Variants in FNBP1 observed in about 807,000 individuals in gnomAD.
FNBP1 encodes formin-binding protein 1.
Under a neutral mutation model 90.6 loss-of-function variants are expected in FNBP1, and 26 were observed. That is an observed-to-expected ratio of 0.29 (90% confidence interval 0.21 to 0.40). The LOEUF (loss-of-function observed/expected upper bound fraction) is 0.40, where lower values mean the gene tolerates loss of function less well. Ranked by LOEUF, FNBP1 falls within the 10% of genes least tolerant of loss-of-function variation. The pLI is 1.00. For missense variants in FNBP1, 635 were observed against 768.0 expected, an observed-to-expected ratio of 0.83 and a Z score of 2.05; for synonymous variants, 260 against 265.2, an observed-to-expected ratio of 0.98 and a Z score of 0.19.
At position 129,991,207 on chromosome 9, in the gene FNBP1, G is replaced by T. The variant is rs183079764; in HGVS notation, c.140+3636C>A. On this transcript the variant is annotated intron_variant, in intron 2 of 16. Transcript: ENST00000446176. Reference sequence around the variant, plus strand: ...GCACCTGGGTGATGCTAGGGTTTTTGACCTAAACCAGGAAGGATGCAGCTA... The same window carrying T: ...GCACCTGGGTGATGCTAGGGTTTTTTACCTAAACCAGGAAGGATGCAGCTA... Among the ~76,000 whole-genome samples, 388 of 151,810 alleles carry T rather than the reference G, an allele frequency of 2.6e-3. 1 individual carries two copies. Among genetic ancestry groups the T allele is most frequent in the Non-Finnish European group, 4.6e-3 (315 of 67,938 alleles).
At chr9:129,979,760 C>G (rs954541862) in intron 2 of FNBP1, among the ~76,000 whole-genome samples, 4 of 152,094 alleles carry the variant, frequency 2.6e-5, no homozygotes, top group African/African-American at 9.7e-5. Flanking sequence ...CTGCCTCAGC[C>G]TCCCAAGTAG....
At chr9:130,051,004 G>T in the FNBP1 span, among the ~76,000 whole-genome samples, 1 of 151,218 alleles carries the variant, frequency 6.6e-6, no homozygotes, top group Admixed American at 6.6e-5. Flanking sequence ...AAGTTCAAGC[G>T]ATTCTCCTGT....
rs557650533 is a variant in FNBP1 at position 130,020,032 on chromosome 9, A to AT, written c.24+22919dup. Among the ~76,000 whole-genome samples the AT allele has an allele frequency of 3.6e-3, 546 of 152,324 alleles. 5 individuals are homozygous for AT. Among genetic ancestry groups the AT allele is most frequent in the African/African-American group, 0.013 (522 of 41,572 alleles). ...AGGCAACAGAATGATGTTTAATCAC[A>AT]TTTCTCAATGTGAATACTAAGAAGG... On this transcript the variant is annotated intron_variant, in intron 1 of 16. Transcript: ENST00000446176.
intron 4 of FNBP1, among the ~76,000 whole-genome samples, chr9:129,975,694 G>A (rs1461500240): frequency 2.0e-5 from 3 of 152,000 alleles, no homozygotes; most frequent in Non-Finnish European, 4.4e-5. Flanking sequence ...TTGAGGTCAG[G>A]AGTGCGAGAC....
At position 130,009,495 on chromosome 9, in the gene FNBP1, A is replaced by T. The variant is rs536599040; in HGVS notation, c.25-14537T>A. Among the ~76,000 whole-genome samples, 276 of 151,804 alleles carry T rather than the reference A, an allele frequency of 1.8e-3. 1 individual carries two copies. Among genetic ancestry groups the T allele is most frequent in the Non-Finnish European group, 3.1e-3 (213 of 67,916 alleles). On this transcript the variant is annotated intron_variant, in intron 1 of 16. Coordinates refer to ENST00000446176, the MANE Select transcript of FNBP1 (RefSeq NM_015033.3). ...TGGCCAACATGGGCATCTCTACTAAACCTCATTTCTACTAAAAAAAAAAAT... is the reference window on the plus strand; with the variant it reads ...TGGCCAACATGGGCATCTCTACTAATCCTCATTTCTACTAAAAAAAAAAAT...
intron 15 of FNBP1, among the ~76,000 whole-genome samples, chr9:129,896,351 G>A (rs1183301180): frequency 2.0e-5 from 3 of 151,968 alleles, no homozygotes; most frequent in African/African-American, 4.8e-5. Context: ...AGGTACCCTC[G>A]TGGCTCCAAC....
intron 2 of FNBP1, among the ~76,000 whole-genome samples, chr9:129,983,266 A>C (rs2051579917): frequency 6.6e-6 from 1 of 152,186 alleles, no homozygotes; most frequent in Admixed American, 6.5e-5. Flanking sequence ...TGATATACTG[A>C]AAAGACCATC....
At chr9:130,011,070 G>C (rs973043988) in intron 1 of FNBP1, among the ~76,000 whole-genome samples, 2 of 150,872 alleles carry the variant, frequency 1.3e-5, no homozygotes, top group East Asian at 3.9e-4. Flanking sequence ...GAGACAGTTA[G>C]GTGGGCGTGG....
intron 1 of FNBP1, among the ~76,000 whole-genome samples, chr9:130,009,795 C>T (rs1401275367): frequency 6.6e-6 from 1 of 151,648 alleles, no homozygotes; most frequent in African/African-American, 2.4e-5. Flanking sequence ...AGCAAGACTC[C>T]GTCTCATAAC....
chr9:130,041,598 T>G lies in FNBP1; in HGVS notation c.24+1354A>C, dbSNP rs2059822347. Among the ~76,000 whole-genome samples, 1 of 152,250 alleles carries G rather than the reference T, an allele frequency of 6.6e-6. No homozygotes were observed. Among genetic ancestry groups the G allele is most frequent in the Non-Finnish European group, 1.5e-5 (1 of 68,048 alleles). The stretch of plus-strand genomic sequence containing the variant: ...ATTTTAAACTATTTTATTTTCAAAA[T>G]GGATACTTGTAAACATCAGCGGAAA... On this transcript the variant is annotated intron_variant, in intron 1 of 16. Coordinates refer to ENST00000446176, the MANE Select transcript of FNBP1 (RefSeq NM_015033.3). The surrounding 1 kb of genome is among the most constrained non-coding windows in gnomAD (Gnocchi z 4.3).
At chr9:130,053,399 T>C in the FNBP1 span, 2 of 154,542 alleles carry the variant, frequency 1.3e-5, no homozygotes, top group African/African-American at 2.4e-5. Context: ...GCCTAACAAA[T>C]TGCCTCATAA....
chr9:129,972,739 C>A (rs2049685818), intron 4 of FNBP1, among the ~76,000 whole-genome samples: 1 of 152,190 alleles, frequency 6.6e-6, no homozygotes, highest in Admixed American at 6.5e-5. Context: ...GCCATGTTGG[C>A]AAGGCTGGTC....
intron 2 of FNBP1, among the ~76,000 whole-genome samples, chr9:129,990,888 G>A (rs79725387): frequency 6.6e-6 from 1 of 151,380 alleles, no homozygotes; most frequent in Non-Finnish European, 1.5e-5. Flanking sequence ...GGGAGTGTGA[G>A]TGTGTGAGAA....
chr9:129,897,314 G>C (rs899346616), intron 15 of FNBP1, among the ~76,000 whole-genome samples: 2 of 152,146 alleles, frequency 1.3e-5, no homozygotes, highest in African/African-American at 4.8e-5. Flanking sequence ...CCACCCCCCA[G>C]TTTTCTGCAA....
At chr9:129,958,773 G>A (rs2047326449) in intron 4 of FNBP1, among the ~76,000 whole-genome samples, 1 of 151,446 alleles carries the variant, frequency 6.6e-6, no homozygotes, top group African/African-American at 2.4e-5. Context: ...TTGAGCCAAG[G>A]AGTTCAAGAC....
chr9:130,014,181 G>A, intron 1 of FNBP1: 1 of 394,152 alleles, frequency 2.5e-6, no homozygotes, highest in Non-Finnish European at 5.0e-6. Context: ...GCTTAGAAAG[G>A]GATGTGATCA....
chr9:130,016,832 G>A (rs1197308886), intron 1 of FNBP1, among the ~76,000 whole-genome samples: 1 of 152,224 alleles, frequency 6.6e-6, no homozygotes, highest in Admixed American at 6.5e-5. Flanking sequence ...TGTGGTCAGA[G>A]TTGGTTTTGT....
Position 130,042,833 on chromosome 9 carries a change from G to A in FNBP1, c.24+119C>T. 1 of 616,886 alleles carries A rather than the reference G, an allele frequency of 1.6e-6. No individual in the cohort carries two copies. The highest frequency in any genetic ancestry group is 2.3e-6 in the Non-Finnish European group (1 of 432,418). 38.2% of individuals were successfully genotyped at this position (616,886 alleles called of 1,614,324 possible). ...ACCCCGCCTCCTCCCCAGGCCGCGA[G>A]GACCCCGACCAGCGCGCCCTCGCCT... On this transcript the variant is annotated intron_variant, in intron 1 of 16. Coordinates refer to ENST00000446176, the MANE Select transcript of FNBP1 (RefSeq NM_015033.3). The surrounding 1 kb of genome is among the most constrained non-coding windows in gnomAD (Gnocchi z 5.5).
chr9:129,955,396 A>C (rs566618606), intron 6 of FNBP1, among the ~76,000 whole-genome samples: 5 of 152,000 alleles, frequency 3.3e-5, no homozygotes, highest in Admixed American at 6.6e-5. Context: ...ACCATGCTCC[A>C]CTAATTTTTC....
Sources: allele counts gnomAD v4.1 joint callset (sites outside exome capture counted in the v4.1 genomes callset), GRCh38; gene constraint gnomAD v4.1.1; non-coding constraint Gnocchi (gnomAD v3.1); transcripts MANE v1.5; gene names NCBI Gene and HGNC (gene_info 2026-07-23, HGNC 2026-07-21).